SCUBE2: variants seen among roughly 807,000 people sequenced by gnomAD.
SCUBE2 encodes signal peptide, CUB and EGF-like domain-containing protein 2.
In SCUBE2, 114 loss-of-function variants were observed where a neutral mutation model predicts 125.9. The observed-to-expected ratio is 0.91, with a 90% CI of 0.78 to 1.06. The LOEUF (loss-of-function observed/expected upper bound fraction) is 1.06. Among genes scored for constraint, SCUBE2 ranks in the 50% least tolerant of loss-of-function variants. The pLI is 0.00. For missense variants in SCUBE2, 1,255 were observed against 1,301.8 expected (o/e 0.96, Z 0.55); for synonymous variants, 459 against 492.9 (o/e 0.93, Z 0.91).
chr11:9,083,144 A>C (rs1440599480), intron 2 of SCUBE2, among the ~76,000 whole-genome samples: 2 of 152,026 alleles, frequency 1.3e-5, no homozygotes, highest in African/African-American at 4.8e-5. Context: ...TTGTATACAT[A>C]CAATTAATAC....
chr11:9,080,632 G>C (rs1276999636), intron 2 of SCUBE2, among the ~76,000 whole-genome samples: 2 of 148,894 alleles, frequency 1.3e-5, no homozygotes, highest in African/African-American at 2.5e-5. Context: ...CTGGGTGACA[G>C]AGCAAGACCC....
At chr11:9,073,965 G>A (rs1174311352) in intron 4 of SCUBE2, among the ~76,000 whole-genome samples, 1 of 152,202 alleles carries the variant, frequency 6.6e-6, no homozygotes, top group Non-Finnish European at 1.5e-5. Context: ...AGCACGGAAA[G>A]TCCAGGGAGG....
At chr11:9,057,824 A>AC (rs1377959191) in intron 9 of SCUBE2, among the ~76,000 whole-genome samples, 1 of 152,086 alleles carries the variant, frequency 6.6e-6, no homozygotes. Context: ...GAGCCACCAC[A>AC]CCCAGCCTAA....
At position 9,053,642 on chromosome 11, in the gene SCUBE2, C is replaced by G. The variant is rs889145596; in HGVS notation, c.1325G>C (p.Cys442Ser). Residue 442 changes from cysteine (C) to serine (S), a missense_variant, in exon 11 of 23, where the codon TGT (cysteine) becomes TCT (serine). By Grantham distance (112) the Cys-to-Ser change is moderately radical. Around this residue, in one of 3 missense-constraint regions of SCUBE2, gnomAD observed 378 missense variants for 463.1 expected, o/e 0.82. Coordinates refer to ENST00000649792, the MANE Select transcript of SCUBE2 (RefSeq NM_001367977.2). ...GYKLHWNKKDCVEVKGLLPTS... is the reference protein window; with the variant it reads ...GYKLHWNKKDSVEVKGLLPTS... ...TGTGCCTCGGTTCCCCTTACCCACACAGTCTTTTTTATTCCAGTGGAGCTT... is the reference window on the plus strand; with the variant it reads ...TGTGCCTCGGTTCCCCTTACCCACAGAGTCTTTTTTATTCCAGTGGAGCTT... The G allele has an allele frequency of 3.1e-6, 5 of 1,613,892 alleles. No individual in the cohort carries two copies. Among genetic ancestry groups the G allele is most frequent in the Non-Finnish European group, 4.2e-6 (5 of 1,179,950 alleles).
intron 8 of SCUBE2, chr11:9,059,832 A>G (rs1473453729): frequency 1.8e-5 from 3 of 166,322 alleles, no homozygotes. Flanking sequence ...TTACACAATG[A>G]TCAAATAGCC....
chr11:9,047,842 G>T, intron 15 of SCUBE2, 101 bp downstream of exon 15: 1 of 1,366,046 alleles, frequency 7.3e-7, no homozygotes, highest in Non-Finnish European at 1.0e-6. Context: ...ATACTTCAGT[G>T]TTTGCATTAC....
At chr11:9,078,104 C>A (rs1564846685) in intron 3 of SCUBE2, among the ~76,000 whole-genome samples, 1 of 152,220 alleles carries the variant, frequency 6.6e-6, no homozygotes, top group East Asian at 1.9e-4. Flanking sequence ...AAAAAAAGAG[C>A]AACCCATGTG....
intron 17 of SCUBE2, among the ~76,000 whole-genome samples, chr11:9,033,004 G>T (rs1213549055): frequency 6.6e-6 from 1 of 152,156 alleles, no homozygotes; most frequent in Admixed American, 6.5e-5. Context: ...GTGGCCATCA[G>T]ATATAAATCA....
chr11:9,058,595 CAAAAAAAAAAAAAAAAAAAAA>C (rs61409328), intron 9 of SCUBE2, among the ~76,000 whole-genome samples: 4 of 44,314 alleles, frequency 9.0e-5, no homozygotes, highest in African/African-American at 2.6e-4. Flanking sequence ...GACTCTGTCT[CAAAAAAAAAAAAAAAAAAAAA>C]AAAAAAAAAA....
chr11:9,049,113 A>G (rs1207262596), intron 14 of SCUBE2, among the ~76,000 whole-genome samples: 1 of 152,232 alleles, frequency 6.6e-6, no homozygotes, highest in Non-Finnish European at 1.5e-5. Flanking sequence ...TTGCTAAGAT[A>G]GTATAGAGTT....
At chr11:9,065,712 G>A (rs1860151412) in intron 7 of SCUBE2, among the ~76,000 whole-genome samples, 179 bp downstream of exon 7, 1 of 152,198 alleles carries the variant, frequency 6.6e-6, no homozygotes, top group Non-Finnish European at 1.5e-5. Flanking sequence ...GTCTTGCTTG[G>A]TTGGTGATTA....
chr11:9,066,229 G>A (rs1219318057), intron 6 of SCUBE2, among the ~76,000 whole-genome samples: 1 of 152,212 alleles, frequency 6.6e-6, no homozygotes, highest in East Asian at 1.9e-4. Context: ...AGAGACACTA[G>A]GGAATGCAAG....
chr11:9,090,885 CTTG>C (rs1023078053), intron 1 of SCUBE2, among the ~76,000 whole-genome samples: 14 of 152,362 alleles, frequency 9.2e-5, no homozygotes, highest in African/African-American at 2.4e-4. Context: ...AAAACCTAGG[CTTG>C]TTGCTGCTTC....
At chr11:9,082,285 C>T (rs765726375) in intron 2 of SCUBE2, among the ~76,000 whole-genome samples, 1 of 152,084 alleles carries the variant, frequency 6.6e-6, no homozygotes, top group Non-Finnish European at 1.5e-5. Context: ...TTCTGTGAGT[C>T]GCCTTTATAT....
At chr11:9,058,004 A>G (rs1466303912) in intron 9 of SCUBE2, among the ~76,000 whole-genome samples, 1 of 152,082 alleles carries the variant, frequency 6.6e-6, no homozygotes, top group African/African-American at 2.4e-5. Context: ...ACTAACAACA[A>G]CTGCTACCTA....
intron 9 of SCUBE2, among the ~76,000 whole-genome samples, chr11:9,057,934 A>C (rs1859255718): frequency 6.6e-6 from 1 of 152,212 alleles, no homozygotes; most frequent in Middle Eastern, 3.2e-3. Flanking sequence ...TGCATATCAA[A>C]GGGAAGGTGC....
intron 2 of SCUBE2, among the ~76,000 whole-genome samples, chr11:9,082,273 T>C (rs185524325): frequency 1.4e-3 from 213 of 152,360 alleles, no homozygotes; most frequent in African/African-American, 4.9e-3. Context: ...CATTTTCATC[T>C]ATTCTGTGAG....
At chr11:9,086,032 C>T (rs2135984548) in intron 2 of SCUBE2, among the ~76,000 whole-genome samples, 1 of 152,232 alleles carries the variant, frequency 6.6e-6, no homozygotes, top group African/African-American at 2.4e-5. Flanking sequence ...GAAGGTCTCA[C>T]TATGTTGCCC....
intron 10 of SCUBE2, 122 bp from the exon 11 acceptor site, chr11:9,053,881 C>T (rs1858701456): frequency 3.3e-6 from 4 of 1,221,118 alleles, no homozygotes; most frequent in African/African-American, 3.0e-5. Context: ...CAAAGGAAGA[C>T]ACTGAATGCC....
Sources: allele counts gnomAD v4.1 joint callset (sites outside exome capture counted in the v4.1 genomes callset), GRCh38; gene constraint gnomAD v4.1.1; regional missense constraint gnomAD v4.1.1; transcripts MANE v1.5; gene names NCBI Gene and HGNC (gene_info 2026-07-23, HGNC 2026-07-21).